The following MCHR2 variants were observed in gnomAD, a reference collection of about 807,000 sequenced individuals.
MCHR2 encodes melanin concentrating hormone receptor 2, also known as melanin-concentrating hormone receptor 2.
Under a neutral mutation model 24.8 loss-of-function variants are expected in MCHR2, and 15 were observed. The observed-to-expected ratio is 0.60, with a 90% CI of 0.40 to 0.93. The LOEUF (loss-of-function observed/expected upper bound fraction) is 0.93. Ranked by LOEUF, MCHR2 falls within the 40% of genes least tolerant of loss-of-function variation. The probability of loss-of-function intolerance (pLI) is 0.00; values close to 1 mark genes in which losing one functional copy is unlikely to be tolerated. For missense variants in MCHR2, 386 were observed against 408.7 expected, an observed-to-expected ratio of 0.94 and a Z score of 0.48; for synonymous variants, 151 against 147.6, an observed-to-expected ratio of 1.02 and a Z score of -0.17.
At chr6:99,978,687 G>T (rs1775607283) in intron 1 of MCHR2, among the ~76,000 whole-genome samples, 1 of 152,194 alleles carries the variant, frequency 6.6e-6, no homozygotes, top group East Asian at 1.9e-4. Flanking sequence ...CAAAGTGCTG[G>T]GATGACAGGC....
intron 5 of MCHR2, among the ~76,000 whole-genome samples, chr6:99,931,432 G>C (rs1774533298): frequency 6.6e-6 from 1 of 152,308 alleles, no homozygotes; most frequent in Non-Finnish European, 1.5e-5. Flanking sequence ...TCTGTGCCCT[G>C]CCCCCAGAGG....
chr6:99,942,557 G>A (rs1774792407), intron 4 of MCHR2, among the ~76,000 whole-genome samples: 1 of 151,948 alleles, frequency 6.6e-6, no homozygotes, highest in East Asian at 1.9e-4. Flanking sequence ...GCTGGTGTAG[G>A]ACTTGAACAT....
At chr6:99,925,847 A>G (rs1253930632) in intron 5 of MCHR2, among the ~76,000 whole-genome samples, 1 of 147,848 alleles carries the variant, frequency 6.8e-6, no homozygotes, top group Non-Finnish European at 1.5e-5. Flanking sequence ...TTTTATTATT[A>G]TTATACTTTA....
At chr6:99,971,231 T>A (rs1272889955) in intron 1 of MCHR2, among the ~76,000 whole-genome samples, 9 of 151,942 alleles carry the variant, frequency 5.9e-5, no homozygotes, top group African/African-American at 1.7e-4. Flanking sequence ...ATCCTCTTAT[T>A]TCATTGAGCA....
Position 99,956,132 on chromosome 6 carries a change from C to T in MCHR2, c.16G>A (p.Ala6Thr). The T allele has an allele frequency of 1.2e-6, 2 of 1,610,972 alleles. No homozygotes were observed. The highest frequency in any genetic ancestry group is 4.5e-5 in the East Asian group (2 of 44,810). Reference sequence around the variant, plus strand: ...TCGGCAGAGGTGTTCCAACAAGATGCATGAAATGGATTCATTGTTCGTGGA... The same window carrying T: ...TCGGCAGAGGTGTTCCAACAAGATGTATGAAATGGATTCATTGTTCGTGGA... MNPFH[A>T]SCWNTSAELL... is the part of the protein sequence containing the mutation. Residue 6 changes from alanine (A) to threonine (T), a missense_variant, in exon 2 of 6, where the codon GCA becomes ACA. By Grantham distance (58) the Ala-to-Thr change is moderately conservative. Transcript: ENST00000281806.
At chr6:99,945,770 C>T (rs1774861747) in intron 3 of MCHR2, among the ~76,000 whole-genome samples, 1 of 152,048 alleles carries the variant, frequency 6.6e-6, no homozygotes, top group Admixed American at 6.6e-5. Flanking sequence ...CCTGATCTTC[C>T]AGAATGAGGG....
chr6:99,959,990 T>C (rs962722843), intron 1 of MCHR2, among the ~76,000 whole-genome samples: 1 of 151,956 alleles, frequency 6.6e-6, no homozygotes. Context: ...TCTTCCTAAA[T>C]CTGGGAAGGG....
chr6:99,955,530 G>A (rs1042419485), intron 2 of MCHR2, among the ~76,000 whole-genome samples: 27 of 152,104 alleles, frequency 1.8e-4, no homozygotes, highest in Admixed American at 1.3e-3. Flanking sequence ...TGCCTAAACA[G>A]GTCAGCTTTT....
intron 2 of MCHR2, among the ~76,000 whole-genome samples, chr6:99,950,162 T>G (rs1293295903): frequency 1.3e-5 from 2 of 152,132 alleles, no homozygotes; most frequent in African/African-American, 4.8e-5. Context: ...CTAGATGATA[T>G]TCTGTATAGT....
intron 1 of MCHR2, among the ~76,000 whole-genome samples, chr6:99,980,106 T>C (rs1775635219): frequency 9.0e-6 from 1 of 111,096 alleles, no homozygotes; most frequent in Non-Finnish European, 2.0e-5. Context: ...TGATGATTGT[T>C]CTGTTTTATA....
chr6:99,933,433 C>T (rs1474769632), intron 5 of MCHR2, among the ~76,000 whole-genome samples: 4 of 152,206 alleles, frequency 2.6e-5, no homozygotes, highest in Non-Finnish European at 4.4e-5. Context: ...CCCTGGGATA[C>T]ATTTATAAAC....
chr6:99,934,323 G>A, intron 5 of MCHR2, 75 bp downstream of exon 5: 3 of 1,357,288 alleles, frequency 2.2e-6, no homozygotes, highest in East Asian at 2.6e-5. Context: ...AGTCACTGTT[G>A]CCTAAGTTTC....
chr6:99,991,812 A>AT (rs1268769042), intron 1 of MCHR2, among the ~76,000 whole-genome samples: 1 of 150,734 alleles, frequency 6.6e-6, no homozygotes, highest in Non-Finnish European at 1.5e-5. Context: ...CCGTCTCAAA[A>AT]AAAAAAAAAA....
rs942102171 is a variant in MCHR2 at position 99,918,791 on chromosome 6, A to G, written c.*2149T>C. Among the ~76,000 whole-genome samples, 14 of 152,330 alleles carry G rather than the reference A, an allele frequency of 9.2e-5. 1 individual carries two copies. In the East Asian group the frequency reaches 2.3e-3, roughly 25 times the overall value. On this transcript the variant is annotated 3_prime_UTR_variant, in exon 6 of 6. Transcript: ENST00000281806. ...TAAAGGGACAAAAATAAATTTATTA[A>G]TCACCCTTTTTATTTTCTACTTTGA...
At chr6:99,925,271 T>A (rs1001391242) in intron 5 of MCHR2, among the ~76,000 whole-genome samples, 5 of 152,116 alleles carry the variant, frequency 3.3e-5, no homozygotes, top group African/African-American at 1.2e-4. Flanking sequence ...TCCTTTTTTT[T>A]CAGTCTATGT....
At chr6:99,973,777 A>G (rs1009613193) in intron 1 of MCHR2, among the ~76,000 whole-genome samples, 1 of 152,082 alleles carries the variant, frequency 6.6e-6, no homozygotes, top group African/African-American at 2.4e-5. Context: ...ATCTCTCAGC[A>G]TTTGCTTGTC....
At chr6:99,979,025 A>G (rs1214949468) in intron 1 of MCHR2, among the ~76,000 whole-genome samples, 1 of 152,146 alleles carries the variant, frequency 6.6e-6, no homozygotes, top group East Asian at 1.9e-4. Flanking sequence ...GCCACATCCA[A>G]GTGGTAGGAG....
At chr6:99,978,628 C>T (rs762090801) in intron 1 of MCHR2, among the ~76,000 whole-genome samples, 4 of 151,974 alleles carry the variant, frequency 2.6e-5, no homozygotes, top group Admixed American at 1.3e-4. Context: ...CCGTGTTAGC[C>T]AGGATGATCT....
At chr6:99,926,314 T>C (rs1282497788) in intron 5 of MCHR2, among the ~76,000 whole-genome samples, 1 of 152,176 alleles carries the variant, frequency 6.6e-6, no homozygotes, top group African/African-American at 2.4e-5. Flanking sequence ...TGTGTCTTTA[T>C]AGCAGCATGA....
Sources: allele counts gnomAD v4.1 joint callset (sites outside exome capture counted in the v4.1 genomes callset), GRCh38; gene constraint gnomAD v4.1.1; transcripts MANE v1.5; gene names NCBI Gene and HGNC (gene_info 2026-07-23, HGNC 2026-07-21).